RASAL2: variants seen among roughly 807,000 people sequenced by gnomAD.
RASAL2 encodes the protein RAS protein activator like 2.
Under a neutral mutation model 128.9 loss-of-function variants are expected in RASAL2, and 58 were observed. That is an observed-to-expected ratio of 0.45 (90% CI 0.36 to 0.56). The LOEUF (loss-of-function observed/expected upper bound fraction) is 0.56. Among genes scored for constraint, RASAL2 ranks in the 20% least tolerant of loss-of-function variants. RASAL2 has a pLI of 0.00. For missense variants in RASAL2, 1,360 were observed against 1,601.6 expected (o/e 0.85, Z 2.57); for synonymous variants, 561 against 580.8 (o/e 0.97, Z 0.49).
At chr1:178,366,766 A>G (rs1368023183) in intron 3 of RASAL2, among the ~76,000 whole-genome samples, 1 of 152,152 alleles carries the variant, frequency 6.6e-6, no homozygotes, top group Non-Finnish European at 1.5e-5. Context: ...ATAAAAAGGA[A>G]TGAAGTACTC....
intron 1 of RASAL2, among the ~76,000 whole-genome samples, chr1:178,214,776 T>A (rs541600771): frequency 6.6e-6 from 1 of 152,208 alleles, no homozygotes; most frequent in Admixed American, 6.5e-5. Flanking sequence ...GCCACGATGG[T>A]CTCGATCTCT....
chr1:178,143,934 A>G (rs1421142503), intron 1 of RASAL2, among the ~76,000 whole-genome samples: 1 of 152,176 alleles, frequency 6.6e-6, no homozygotes. Flanking sequence ...ATAGGTGGTT[A>G]TGTCATAAGT....
At chr1:178,354,096 G>T (rs2102451444) in intron 3 of RASAL2, among the ~76,000 whole-genome samples, 1 of 152,192 alleles carries the variant, frequency 6.6e-6, no homozygotes, top group African/African-American at 2.4e-5. Context: ...ATTACAGGGA[G>T]TTTTACTCAT....
chr1:178,177,772 G>A (rs1297985845), intron 1 of RASAL2, among the ~76,000 whole-genome samples: 3 of 152,172 alleles, frequency 2.0e-5, no homozygotes, highest in Non-Finnish European at 4.4e-5. Context: ...TGATTCCAGA[G>A]AGGCAGGCAA....
At chr1:178,112,633 T>A (rs1381960430) in intron 1 of RASAL2, among the ~76,000 whole-genome samples, 1 of 151,746 alleles carries the variant, frequency 6.6e-6, no homozygotes, top group Non-Finnish European at 1.5e-5. Context: ...ATCATCATTC[T>A]CAGTAAACTA....
intron 1 of RASAL2, among the ~76,000 whole-genome samples, chr1:178,131,672 A>G (rs552217460): frequency 2.0e-5 from 3 of 152,018 alleles, no homozygotes; most frequent in African/African-American, 4.8e-5. Flanking sequence ...TTATTTCCTT[A>G]TCATGCACAA....
intron 4 of RASAL2, among the ~76,000 whole-genome samples, chr1:178,392,016 C>G (rs956925045): frequency 6.6e-6 from 1 of 152,136 alleles, no homozygotes; most frequent in African/African-American, 2.4e-5. Context: ...TTTAACAAGT[C>G]CTAAATGAAA....
In RASAL2 at chr1:178,112,229, G is replaced by A. The variant is rs1008101888; in HGVS notation, c.202+17535G>A. On this transcript the variant is annotated intron_variant, in intron 1 of 17. Transcript: ENST00000367649. ...TTTATCCCTATTTTCTTTTGCTTTC[G>A]TGGATTGTACTTTTGCTATTTTATT... Among the ~76,000 whole-genome samples the A allele has an allele frequency of 4.6e-5, 7 of 151,832 alleles. No individual in the cohort carries two copies. The East Asian group carries it at 1.2e-3, about 25-fold the overall frequency.
chr1:178,162,376 T>C (rs1162535900), intron 1 of RASAL2, among the ~76,000 whole-genome samples: 3 of 120,966 alleles, frequency 2.5e-5, no homozygotes, highest in Admixed American at 1.1e-4. Context: ...ATATAATATA[T>C]ATTTATATAT....
chr1:178,216,615 T>C (rs1047976257), intron 1 of RASAL2, among the ~76,000 whole-genome samples: 1 of 152,250 alleles, frequency 6.6e-6, no homozygotes, highest in African/African-American at 2.4e-5. Context: ...TCAGGATAGC[T>C]AATTTAAATA....
In RASAL2 at chr1:178,466,113, T is replaced by A; in HGVS notation, c.3581T>A (p.Ile1194Asn). 1.3e-6 allele frequency: 2 copies of A among 1,559,224 alleles called. No homozygotes were observed. The highest frequency in any genetic ancestry group is 1.7e-6 in the Non-Finnish European group (2 of 1,151,298). Residue 1194 changes from isoleucine to asparagine, a missense_variant, in exon 16 of 18, where the codon ATC becomes AAC. Transcript: ENST00000367649. ...QEEKDSQMKS[I>N]ISRLMAVEEE... Reference sequence around the variant, plus strand: ...GAAAAAGATAGCCAGATGAAAAGCATCATCAGCAGGTTAGACATCACCTGG... The same window carrying A: ...GAAAAAGATAGCCAGATGAAAAGCAACATCAGCAGGTTAGACATCACCTGG...
chr1:178,158,488 T>C (rs1661159277), intron 1 of RASAL2, among the ~76,000 whole-genome samples: 1 of 152,226 alleles, frequency 6.6e-6, no homozygotes, highest in Non-Finnish European at 1.5e-5. Flanking sequence ...TTCTGCCTCA[T>C]ACCTTGAGCA....
Position 178,226,167 on chromosome 1 carries a change from C to T in RASAL2, c.203-57397C>T, listed in dbSNP as rs74128887. On this transcript the variant is annotated intron_variant, in intron 1 of 17. Coordinates refer to ENST00000367649, the MANE Select transcript of RASAL2 (RefSeq NM_170692.4). ...GAGCTTAGAAATGTGGAATCTCAGG[C>T]GGAGTAGTAAATTGAAATCTGCATC... Among the ~76,000 whole-genome samples, 846 of 152,156 alleles carry T rather than the reference C, an allele frequency of 5.6e-3. 11 individuals carry two copies. The highest frequency in any genetic ancestry group is 0.019 in the African/African-American group (793 of 41,506).
intron 6 of RASAL2, among the ~76,000 whole-genome samples, chr1:178,440,298 G>C (rs1676546357): frequency 6.6e-6 from 1 of 151,872 alleles, no homozygotes; most frequent in Non-Finnish European, 1.5e-5. Flanking sequence ...AGATGTTGTA[G>C]AAGTCAAAAG....
At chr1:178,351,498 A>C (rs550360048) in intron 3 of RASAL2, among the ~76,000 whole-genome samples, 1 of 152,122 alleles carries the variant, frequency 6.6e-6, no homozygotes, top group Admixed American at 6.5e-5. Context: ...TTGGGAGGCC[A>C]AGGTGGGCGG....
At position 178,283,707 on chromosome 1, in the gene RASAL2, T is replaced by C; in HGVS notation, c.330+16T>C. 1 of 1,608,052 alleles carries C rather than the reference T, an allele frequency of 6.2e-7. No homozygotes were observed. The highest frequency in any genetic ancestry group is 8.5e-7 in the Non-Finnish European group (1 of 1,177,700). On this transcript the variant is annotated intron_variant, in intron 2 of 17. Coordinates refer to ENST00000367649, the MANE Select transcript of RASAL2 (RefSeq NM_170692.4). ...GGAGAAGGAGGTGAGATGGATATTA[T>C]TCAGGAAAGTTAGTTTCCTTTTCTG...
intron 3 of RASAL2, among the ~76,000 whole-genome samples, chr1:178,344,242 CT>C (rs1317207909): frequency 6.6e-6 from 1 of 152,050 alleles, no homozygotes; most frequent in African/African-American, 2.4e-5. Context: ...AAAGATTTGG[CT>C]ATAGTTGATC....
At chr1:178,454,952 A>G (rs1677658622) in intron 12 of RASAL2, among the ~76,000 whole-genome samples, 1 of 152,182 alleles carries the variant, frequency 6.6e-6, no homozygotes, top group Non-Finnish European at 1.5e-5. Context: ...ATTGGTATAT[A>G]CAGCCTTATG....
chr1:178,200,326 G>T (rs920162576), intron 1 of RASAL2, among the ~76,000 whole-genome samples: 7 of 152,172 alleles, frequency 4.6e-5, no homozygotes, highest in Non-Finnish European at 1.0e-4. Flanking sequence ...AGTCCTTGGC[G>T]TGAACTGTTT....
Sources: allele counts gnomAD v4.1 joint callset (sites outside exome capture counted in the v4.1 genomes callset), GRCh38; gene constraint gnomAD v4.1.1; transcripts MANE v1.5; gene names NCBI Gene and HGNC (gene_info 2026-07-23, HGNC 2026-07-21).